ENTREP2: variants seen among roughly 807,000 people sequenced by gnomAD.
The protein encoded by ENTREP2 is protein ENTREP2.
chr15:29,626,782 T>C, the ENTREP2 span, among the ~76,000 whole-genome samples: 1 of 152,182 alleles, frequency 6.6e-6, no homozygotes, highest in Non-Finnish European at 1.5e-5. Context: ...ATGTCAACTG[T>C]AGGATTTTCT....
the ENTREP2 span, among the ~76,000 whole-genome samples, chr15:29,401,097 C>T: frequency 6.6e-6 from 1 of 152,186 alleles, no homozygotes; most frequent in Non-Finnish European, 1.5e-5. Flanking sequence ...GTGGAGCCAC[C>T]CCAGCTGACC....
At chr15:29,344,326 T>C in the ENTREP2 span, among the ~76,000 whole-genome samples, 5 of 152,186 alleles carry the variant, frequency 3.3e-5, no homozygotes, top group Admixed American at 3.3e-4. Context: ...GAATGATGCA[T>C]AACAAGAGCT....
chr15:29,640,372 T>C, the ENTREP2 span, among the ~76,000 whole-genome samples: 1 of 151,860 alleles, frequency 6.6e-6, no homozygotes, highest in African/African-American at 2.4e-5. Context: ...AAAGAAAAAA[T>C]CTAGGCCAGG....
chr15:29,495,924 T>G, the ENTREP2 span, among the ~76,000 whole-genome samples: 3 of 152,168 alleles, frequency 2.0e-5, no homozygotes, highest in South Asian at 2.1e-4. Flanking sequence ...ATTTTAGGAT[T>G]GTTTTTTCTA....
the ENTREP2 span, among the ~76,000 whole-genome samples, chr15:29,473,722 C>T: frequency 6.6e-6 from 1 of 152,298 alleles, no homozygotes; most frequent in South Asian, 2.1e-4. Flanking sequence ...GGCACAGCAG[C>T]GAGGGACCAT....
chr15:29,139,993 G>A, the ENTREP2 span, among the ~76,000 whole-genome samples: 2 of 152,204 alleles, frequency 1.3e-5, no homozygotes, highest in Non-Finnish European at 2.9e-5. Context: ...TGTAGGGGGT[G>A]CCAGAGGGCA....
chr15:29,539,878 C>T, the ENTREP2 span, among the ~76,000 whole-genome samples: 3 of 152,104 alleles, frequency 2.0e-5, no homozygotes, highest in Non-Finnish European at 4.4e-5. Flanking sequence ...CAAGCCCTGG[C>T]GAGCCCTCAC....
chr15:29,444,179 A>AC, the ENTREP2 span, among the ~76,000 whole-genome samples: 14,425 of 46,088 alleles, frequency 0.31, 1,949 homozygotes, highest in South Asian at 0.35. Context: ...ACAAAGAAAG[A>AC]AAGAAAGAAA....
the ENTREP2 span, among the ~76,000 whole-genome samples, chr15:29,359,877 A>C: frequency 6.6e-6 from 1 of 152,218 alleles, no homozygotes; most frequent in African/African-American, 2.4e-5. Context: ...ATCAGGGTAA[A>C]ATAAAATTGT....
the ENTREP2 span, among the ~76,000 whole-genome samples, chr15:29,453,160 G>A: frequency 6.6e-6 from 1 of 152,284 alleles, no homozygotes; most frequent in East Asian, 1.9e-4. Context: ...CACAGTCACC[G>A]GCCTTCACTG....
chr15:29,291,807 T>C, the ENTREP2 span, among the ~76,000 whole-genome samples: 17 of 152,364 alleles, frequency 1.1e-4, no homozygotes, highest in East Asian at 3.1e-3. Flanking sequence ...ATTTTGAATA[T>C]TCATTGTAAC....
chr15:29,561,824 G>C, the ENTREP2 span, among the ~76,000 whole-genome samples: 15,863 of 152,244 alleles, frequency 0.1, 842 homozygotes, highest in Middle Eastern at 0.19. Flanking sequence ...GAAGTTGAAA[G>C]AGAGAGGTTT....
the ENTREP2 span, among the ~76,000 whole-genome samples, chr15:29,389,073 C>A: frequency 6.6e-6 from 1 of 151,676 alleles, no homozygotes; most frequent in African/African-American, 2.4e-5. Context: ...TGTAACAAAC[C>A]TGCACGTTGT....
At chr15:29,614,011 C>A in the ENTREP2 span, 1 of 153,060 alleles carries the variant, frequency 6.5e-6, no homozygotes, top group South Asian at 2.0e-4. Flanking sequence ...GAACAAGAGT[C>A]GCCAGCAGCT....
the ENTREP2 span, among the ~76,000 whole-genome samples, chr15:29,490,382 C>A: frequency 6.6e-6 from 1 of 151,768 alleles, no homozygotes; most frequent in Non-Finnish European, 1.5e-5. Context: ...AACAAAACCT[C>A]CACAACATGG....
At chr15:29,223,713 G>T in the ENTREP2 span, among the ~76,000 whole-genome samples, 3,101 of 152,248 alleles carry the variant, frequency 0.02, 120 homozygotes, top group African/African-American at 0.071. Context: ...TGGCCAGGGT[G>T]GGGGTGGAGG....
the ENTREP2 span, among the ~76,000 whole-genome samples, chr15:29,304,791 G>A: frequency 6.6e-6 from 1 of 151,996 alleles, no homozygotes; most frequent in Non-Finnish European, 1.5e-5. Context: ...CTAGCCACAG[G>A]GCCTCCTGGT....
the ENTREP2 span, among the ~76,000 whole-genome samples, chr15:29,609,147 T>C: frequency 6.7e-6 from 1 of 150,338 alleles, no homozygotes; most frequent in South Asian, 2.1e-4. Context: ...ATAAATATTT[T>C]CCTTGGGTTG....
chr15:29,538,692 C>T, the ENTREP2 span, among the ~76,000 whole-genome samples: 7 of 150,548 alleles, frequency 4.6e-5, no homozygotes, highest in African/African-American at 1.7e-4. Context: ...GCCTGTAGTC[C>T]CAGCTACTCA....
Sources: allele counts gnomAD v4.1 joint callset (sites outside exome capture counted in the v4.1 genomes callset), GRCh38; gene constraint gnomAD v4.1.1; transcripts MANE v1.5; gene names NCBI Gene and HGNC (gene_info 2026-07-23, HGNC 2026-07-21).